AASDH: variants seen among roughly 807,000 people sequenced by gnomAD.
AASDH encodes aminoadipate-semialdehyde dehydrogenase.
In AASDH, 81 loss-of-function variants were observed where a neutral mutation model predicts 102.3. That is an observed-to-expected ratio of 0.79 (90% confidence interval 0.66 to 0.95). The LOEUF (loss-of-function observed/expected upper bound fraction) is 0.95, where lower values mean the gene tolerates loss of function less well. AASDH is among the 40% of genes least tolerant of loss of function. AASDH has a pLI of 0.00. For synonymous variants in AASDH, 398 were observed against 454.0 expected, an observed-to-expected ratio of 0.88 and a Z score of 1.57; for missense variants, 1,203 against 1,266.2, an observed-to-expected ratio of 0.95 and a Z score of 0.76.
At chr4:56,365,489 T>G (rs1750883359) in intron 5 of AASDH, among the ~76,000 whole-genome samples, 1 of 151,750 alleles carries the variant, frequency 6.6e-6, no homozygotes, top group African/African-American at 2.4e-5. Context: ...CCTCAGCAAA[T>G]GTAAAAGAAC....
rs759080298 is a variant in AASDH, at chr4:56,354,112, AT to A, written c.1309del (p.Ile437PhefsTer46). The A allele has an allele frequency of 8.7e-6, 14 of 1,613,384 alleles. No individual in the cohort carries two copies. Among genetic ancestry groups the A allele is most frequent in the East Asian group, 2.2e-5 (1 of 44,862 alleles). ...ACTGTCTTTTCGTCCCAAAAAAAAA[AT>A]CTCTCCATCTTTCACAGTCACAAAG... ...GDFVTVKDGE[I>X]FFLGRKDSQI... is the part of the protein sequence containing the mutation. On this transcript the variant is annotated frameshift_variant, in exon 8 of 15. Coordinates refer to ENST00000205214, the MANE Select transcript of AASDH (RefSeq NM_181806.4). LOFTEE classifies it high-confidence loss of function.
chr4:56,373,323 G>A (rs1751961386), intron 4 of AASDH, among the ~76,000 whole-genome samples: 1 of 151,994 alleles, frequency 6.6e-6, no homozygotes, highest in African/African-American at 2.4e-5. Context: ...TGAGTTTTTA[G>A]TAGAGACTGG....
At chr4:56,381,387 A>G (rs1407590323) in intron 3 of AASDH, among the ~76,000 whole-genome samples, 2 of 152,094 alleles carry the variant, frequency 1.3e-5, no homozygotes, top group Non-Finnish European at 2.9e-5. Context: ...CCTGGCCAAC[A>G]TGGTGAAACC....
At chr4:56,381,742 A>T (rs147785515) in intron 3 of AASDH, 2,642 of 152,110 alleles carry the variant, frequency 0.017, 43 homozygotes, top group Middle Eastern at 0.051. Flanking sequence ...TCATATAGAA[A>T]ATGGGCAAAA....
chr4:56,338,693 G>C lies in AASDH; in HGVS notation c.3006C>G (p.Tyr1002Ter). The change falls in exon 15 of 15, where the codon TAC becomes TAG. Residue 1002 changes from tyrosine to a stop codon, truncating the protein, a stop_gained. Coordinates refer to ENST00000205214, the MANE Select transcript of AASDH (RefSeq NM_181806.4). LOFTEE classifies it high-confidence loss of function. ...IFFGSHDCFI[Y>*]CCNMKGHLQW... is the part of the protein sequence containing the mutation. Reference sequence around the variant, plus strand: ...GCAGGTGACCTTTCATGTTACAACAGTAGATAAAGCAATCATGGGAACCAA... The same window carrying C: ...GCAGGTGACCTTTCATGTTACAACACTAGATAAAGCAATCATGGGAACCAA... 6.2e-7 allele frequency: 1 copy of C among 1,614,168 alleles called. No individual in the cohort carries two copies. The highest frequency in any genetic ancestry group is 1.1e-5 in the South Asian group (1 of 91,082).
At chr4:56,354,887 C>T (rs1339921374) in intron 6 of AASDH, 76 bp from the exon 7 acceptor site, 22 of 1,223,220 alleles carry the variant, frequency 1.8e-5, no homozygotes, top group Non-Finnish European at 2.5e-5. Flanking sequence ...TTAAATCATA[C>T]TGTACCAAAT....
chr4:56,348,909 GAAACT>G (rs1265584622), intron 11 of AASDH: 1 of 233,990 alleles, frequency 4.3e-6, no homozygotes, highest in Non-Finnish European at 8.3e-6. Context: ...CTGACCCATA[GAAACT>G]ATGAGACAAT....
chr4:56,378,958 A>G (rs962604888), intron 3 of AASDH, among the ~76,000 whole-genome samples: 36 of 151,794 alleles, frequency 2.4e-4, no homozygotes, highest in African/African-American at 7.0e-4. Context: ...ATCTCAGCTC[A>G]CTGCAAATTC....
At chr4:56,353,955 A>G in intron 8 of AASDH, 84 bp downstream of exon 8, 12 of 1,276,744 alleles carry the variant, frequency 9.4e-6, no homozygotes, top group Non-Finnish European at 1.3e-5. Context: ...TGTAAATAAT[A>G]GAGACCCCAG....
rs371450663 is a variant in AASDH at position 56,354,137 on chromosome 4, A to C, written c.1285T>G (p.Phe429Val). The stretch of plus-strand genomic sequence containing the variant: ...ATCTCTCCATCTTTCACAGTCACAA[A>C]GTCTCCTGTAGCTCGCATTGTGCCA... The part of the protein sequence containing the change: ...PLGTMRATGD[F>V]VTVKDGEIFF... The change falls in exon 8 of 15, where the codon TTT becomes GTT. Residue 429 changes from phenylalanine (F) to valine (V), a missense_variant. Phe to Val is a conservative substitution (Grantham distance 50). Coordinates refer to ENST00000205214, the MANE Select transcript of AASDH (RefSeq NM_181806.4). The C allele has an allele frequency of 2.4e-5, 38 of 1,613,216 alleles. No homozygotes were observed. The African/African-American group carries it at 4.1e-4, about 18-fold the overall frequency.
chr4:56,338,719 A>C lies in AASDH; in HGVS notation c.2980T>G (p.Phe994Val). ...CTSPSEQKIF[F>V]GSHDCFIYCC... Reference sequence around the variant, plus strand: ...TAGATAAAGCAATCATGGGAACCAAAAAATATTTTTTGCTCTGATGGTGAG... The same window carrying C: ...TAGATAAAGCAATCATGGGAACCAACAAATATTTTTTGCTCTGATGGTGAG... Residue 994 changes from phenylalanine (F) to valine (V), a missense_variant, in exon 15 of 15, where the codon TTT becomes GTT. Coordinates refer to ENST00000205214, the MANE Select transcript of AASDH (RefSeq NM_181806.4). 6.2e-7 allele frequency: 1 copy of C among 1,614,228 alleles called. No homozygotes were observed. The highest frequency in any genetic ancestry group is 8.5e-7 in the Non-Finnish European group (1 of 1,180,038).
chr4:56,341,065 G>A (rs1323553579), intron 14 of AASDH, among the ~76,000 whole-genome samples: 1 of 152,202 alleles, frequency 6.6e-6, no homozygotes, highest in Non-Finnish European at 1.5e-5. Flanking sequence ...TGGTGGGAAT[G>A]TAAATTAGGG....
In AASDH at chr4:56,344,550, C is replaced by T. The variant is rs188525580; in HGVS notation, c.2652+577G>A. ...ATACTTATAAATATAAATGAATTTCCACTTTTTTTACATTTATTTCAAAAA... is the reference window on the plus strand; with the variant it reads ...ATACTTATAAATATAAATGAATTTCTACTTTTTTTACATTTATTTCAAAAA... On this transcript the variant is annotated intron_variant, in intron 12 of 14. Coordinates refer to ENST00000205214, the MANE Select transcript of AASDH (RefSeq NM_181806.4). Among the ~76,000 whole-genome samples the T allele has an allele frequency of 1.1e-4, 16 of 151,818 alleles. 1 individual carries two copies. The highest frequency in any genetic ancestry group is 3.1e-4 in the African/African-American group (13 of 41,338).
intron 5 of AASDH, chr4:56,356,442 C>G: frequency 1.3e-6 from 2 of 1,581,412 alleles, no homozygotes; most frequent in Non-Finnish European, 1.7e-6. Flanking sequence ...CAAGTACAGA[C>G]CAGAGACAAA....
At chr4:56,373,557 TC>T (rs1326084474) in intron 4 of AASDH, among the ~76,000 whole-genome samples, 2 of 152,160 alleles carry the variant, frequency 1.3e-5, no homozygotes, top group Middle Eastern at 3.2e-3. Flanking sequence ...AGACTTTACT[TC>T]TGAAGTCCTT....
chr4:56,376,019 C>CT (rs67950154), intron 4 of AASDH, among the ~76,000 whole-genome samples: 36,515 of 106,676 alleles, frequency 0.34, 7,396 homozygotes, highest in Non-Finnish European at 0.42. Flanking sequence ...AACCGCTCAT[C>CT]TTTTTTTTTT....
In AASDH at chr4:56,345,249, C is replaced by T. The variant is rs1748195709; in HGVS notation, c.2530G>A (p.Gly844Arg). The T allele has an allele frequency of 1.9e-6, 3 of 1,613,676 alleles. No individual in the cohort carries two copies. Among genetic ancestry groups the T allele is most frequent in the Non-Finnish European group, 2.5e-6 (3 of 1,179,778 alleles). ...GTAGTAAACATCCAGTATTTTTCTC[C>T]ACTATTACTTTTCAGAACATAAACT... ...GLVYVLKSNS[G>R]EKYWMFTTED... The change falls in exon 12 of 15, where the codon GGA becomes AGA. Residue 844 changes from glycine (G) to arginine (R), a missense_variant. Gly to Arg is a moderately radical substitution (Grantham distance 125). Coordinates refer to ENST00000205214, the MANE Select transcript of AASDH (RefSeq NM_181806.4).
chr4:56,359,229 AT>A (rs1749999031), intron 5 of AASDH, among the ~76,000 whole-genome samples: 1 of 151,884 alleles, frequency 6.6e-6, no homozygotes, highest in Non-Finnish European at 1.5e-5. Flanking sequence ...TTATTAAAAA[AT>A]ATATGTTCTT....
intron 5 of AASDH, among the ~76,000 whole-genome samples, chr4:56,359,836 T>C (rs1179912721): frequency 6.8e-6 from 1 of 146,802 alleles, no homozygotes; most frequent in African/African-American, 2.5e-5. Flanking sequence ...GGATTACAGG[T>C]GTGAGCCACC....
Sources: allele counts gnomAD v4.1 joint callset (sites outside exome capture counted in the v4.1 genomes callset), GRCh38; gene constraint gnomAD v4.1.1; transcripts MANE v1.5; gene names NCBI Gene and HGNC (gene_info 2026-07-23, HGNC 2026-07-21).